The following TRMT11 variants were observed in gnomAD, a reference collection of about 807,000 sequenced individuals.
TRMT11 encodes the protein tRNA (guanine(10)-N(2))-methyltransferase TRMT11.
Under a neutral mutation model 62.8 loss-of-function variants are expected in TRMT11, and 53 were observed. The observed-to-expected ratio is 0.84, with a 90% CI of 0.68 to 1.06. The LOEUF (loss-of-function observed/expected upper bound fraction) is 1.06. Among genes scored for constraint, TRMT11 ranks in the 50% least tolerant of loss-of-function variants. TRMT11 has a pLI of 0.00. For synonymous variants in TRMT11, 188 were observed against 190.3 expected (o/e 0.99, Z 0.10); for missense variants, 556 against 553.4 (o/e 1.00, Z -0.05).
intron 17 of TRMT11, among the ~76,000 whole-genome samples, chr6:126,071,394 A>T (rs1440153060): frequency 1.3e-5 from 2 of 148,930 alleles, no homozygotes; most frequent in Admixed American, 1.3e-4. Flanking sequence ...CTTTGAGTTT[A>T]TGACATTTTT....
At chr6:126,058,280 T>C (rs1037677470) in intron 17 of TRMT11, among the ~76,000 whole-genome samples, 2 of 152,214 alleles carry the variant, frequency 1.3e-5, no homozygotes, top group Non-Finnish European at 2.9e-5. Flanking sequence ...GCAAAGGACA[T>C]GAACTCCTCC....
intron 1 of TRMT11, among the ~76,000 whole-genome samples, chr6:126,179,909 A>G (rs1778436038): frequency 6.6e-6 from 1 of 152,204 alleles, no homozygotes; most frequent in Non-Finnish European, 1.5e-5. Flanking sequence ...CACACAAACT[A>G]AATTCATGCT....
chr6:126,050,927 G>A (rs1776198291), intron 16 of TRMT11, among the ~76,000 whole-genome samples: 2 of 152,190 alleles, frequency 1.3e-5, no homozygotes, highest in Admixed American at 6.5e-5. Flanking sequence ...CTACCTGGAA[G>A]AAGCTTGGAA....
intron 17 of TRMT11, among the ~76,000 whole-genome samples, chr6:126,058,347 G>A (rs1776430800): frequency 6.6e-6 from 1 of 152,102 alleles, no homozygotes; most frequent in Non-Finnish European, 1.5e-5. Context: ...TCTTTATCCA[G>A]TCTATCATTG....
chr6:126,247,765 C>T, the TRMT11 span, among the ~76,000 whole-genome samples: 11 of 151,216 alleles, frequency 7.3e-5, no homozygotes, highest in South Asian at 2.1e-4. Context: ...TTAGAAGATC[C>T]GTCGGGGAAA....
At chr6:126,271,702 A>G in the TRMT11 span, among the ~76,000 whole-genome samples, 1 of 152,198 alleles carries the variant, frequency 6.6e-6, no homozygotes, top group Non-Finnish European at 1.5e-5. Flanking sequence ...TGACACTGTC[A>G]TGAAGTGTCA....
chr6:126,227,660 C>T, the TRMT11 span, among the ~76,000 whole-genome samples: 38 of 152,178 alleles, frequency 2.5e-4, no homozygotes, highest in Non-Finnish European at 4.7e-4. Context: ...TTACAATGTG[C>T]TTCTGTTTAG....
At chr6:126,196,161 TC>T (rs1778664447) in intron 1 of TRMT11, among the ~76,000 whole-genome samples, 1 of 152,174 alleles carries the variant, frequency 6.6e-6, no homozygotes, top group Non-Finnish European at 1.5e-5. Context: ...TCAAAAACTA[TC>T]CAGGTGGTAA....
chr6:126,020,075 G>T (rs1227521042), intron 11 of TRMT11, among the ~76,000 whole-genome samples: 3 of 152,222 alleles, frequency 2.0e-5, no homozygotes, highest in Non-Finnish European at 4.4e-5. Flanking sequence ...AGAGCTCGTT[G>T]AAGGTCAGTG....
At chr6:126,262,070 T>G in the TRMT11 span, among the ~76,000 whole-genome samples, 1 of 152,100 alleles carries the variant, frequency 6.6e-6, no homozygotes, top group Admixed American at 6.5e-5. Context: ...AGCTACTGGG[T>G]TAAGTGAAGG....
At chr6:126,143,555 A>G (rs1562332745) in intron 21 of TRMT11, among the ~76,000 whole-genome samples, 1 of 152,118 alleles carries the variant, frequency 6.6e-6, no homozygotes, top group South Asian at 2.1e-4. Context: ...AGAATTAAGA[A>G]TTGTCTCTGT....
chr6:126,270,575 T>A, the TRMT11 span, among the ~76,000 whole-genome samples: 1 of 152,222 alleles, frequency 6.6e-6, no homozygotes, highest in Admixed American at 6.5e-5. Flanking sequence ...GTTACACTTA[T>A]TGCATTTGAT....
chr6:126,015,789 C>T (rs961161375), intron 11 of TRMT11, among the ~76,000 whole-genome samples: 2 of 152,144 alleles, frequency 1.3e-5, no homozygotes, highest in Non-Finnish European at 2.9e-5. Context: ...TTCTGTCTTT[C>T]CATATCTCTT....
chr6:126,151,877 C>T lies in TRMT11; in HGVS notation c.*1824-22948C>T, dbSNP rs1233956145. Among the ~76,000 whole-genome samples the T allele has an allele frequency of 8.7e-3, 386 of 44,260 alleles. 6 individuals are homozygous for T. Among genetic ancestry groups the T allele is most frequent in the South Asian group, 0.013 (18 of 1,432 alleles). 29.0% of individuals were successfully genotyped at this position (44,260 alleles called of 152,430 possible). A position where few individuals can be genotyped will look rare whatever the true frequency, so the allele number is the denominator to read the frequency against. ...TTCTTTCTTTCTTTCCTTCTTTCTC[C>T]TTCCTTCCTTGTCTTTTTCTTTCTT... On this transcript the variant is annotated intron_variant and NMD_transcript_variant, in intron 21 of 22. Coordinates refer to the TRMT11 transcript ENST00000648977.
chr6:126,184,853 C>A (rs79448536), intron 1 of TRMT11, among the ~76,000 whole-genome samples: 1 of 152,264 alleles, frequency 6.6e-6, no homozygotes, highest in East Asian at 1.9e-4. Context: ...GGGTTAAATG[C>A]AATCAGAGGC....
chr6:126,008,337 C>T, intron 7 of TRMT11, 55 bp from the exon 8 acceptor site: 2 of 1,431,180 alleles, frequency 1.4e-6, no homozygotes, highest in Non-Finnish European at 2.0e-6. Flanking sequence ...TAAATAGGAA[C>T]AAACAGGAGT....
At chr6:126,162,421 A>G (rs770849231) in intron 21 of TRMT11, among the ~76,000 whole-genome samples, 1 of 152,074 alleles carries the variant, frequency 6.6e-6, no homozygotes, top group Non-Finnish European at 1.5e-5. Flanking sequence ...ATTGGTCTAT[A>G]TATCTGTTTT....
chr6:126,079,325 G>A (rs1777106757), intron 17 of TRMT11, among the ~76,000 whole-genome samples: 1 of 152,138 alleles, frequency 6.6e-6, no homozygotes, highest in African/African-American at 2.4e-5. Flanking sequence ...CTTGTGAGCT[G>A]GAGTGAGCTG....
intron 3 of TRMT11, among the ~76,000 whole-genome samples, chr6:125,997,207 A>G (rs971789373): frequency 5.3e-5 from 8 of 152,202 alleles, no homozygotes; most frequent in Admixed American, 3.9e-4. Context: ...GATTAATATT[A>G]TTGTAGAAGC....
Sources: allele counts gnomAD v4.1 joint callset (sites outside exome capture counted in the v4.1 genomes callset), GRCh38; gene constraint gnomAD v4.1.1; transcripts MANE v1.5; gene names NCBI Gene and HGNC (gene_info 2026-07-23, HGNC 2026-07-21).